Variants in PIK3R3 observed in about 807,000 individuals in gnomAD.
PIK3R3 encodes the protein phosphoinositide-3-kinase regulatory subunit 3, also known as phosphatidylinositol 3-kinase regulatory subunit gamma.
PIK3R3 carries 64 observed loss-of-function variants against 62.9 expected under a neutral mutation model. That is an observed-to-expected ratio of 1.02 (90% CI 0.83 to 1.25). The LOEUF is 1.25. Among genes scored for constraint, PIK3R3 ranks in the 50% most tolerant of loss-of-function variants. The pLI is 0.00. For missense variants in PIK3R3, 614 were observed against 561.6 expected (o/e 1.09, Z -0.94); for synonymous variants, 165 against 189.0 (o/e 0.87, Z 1.04).
chr1:46,133,543 G>T (rs1210956980), upstream of PIK3R3, among the ~76,000 whole-genome samples: 2 of 152,170 alleles, frequency 1.3e-5, no homozygotes, highest in African/African-American at 4.8e-5. Flanking sequence ...CCGCACCCTT[G>T]ACAAGTTGTC....
chr1:46,129,445 T>A (rs943952890), intron 1 of PIK3R3, among the ~76,000 whole-genome samples: 1 of 134,266 alleles, frequency 7.4e-6, no homozygotes, highest in Non-Finnish European at 1.7e-5. Context: ...TTATTTATTT[T>A]GTAGGCAAAG....
the PIK3R3 span, among the ~76,000 whole-genome samples, chr1:46,173,318 G>A: frequency 6.6e-6 from 1 of 152,230 alleles, no homozygotes; most frequent in Non-Finnish European, 1.5e-5. Flanking sequence ...AAGAGCTTGT[G>A]TAATCTGTGT....
chr1:46,087,212 A>G (rs1009551362), intron 1 of PIK3R3, among the ~76,000 whole-genome samples: 11 of 152,150 alleles, frequency 7.2e-5, no homozygotes, highest in Admixed American at 5.9e-4. Flanking sequence ...ACATGTATAC[A>G]TATGTAACAA....
chr1:46,110,432 C>G (rs550589919), intron 1 of PIK3R3, among the ~76,000 whole-genome samples: 150 of 152,090 alleles, frequency 9.9e-4, no homozygotes, highest in African/African-American at 3.1e-3. Flanking sequence ...TGAGCCACCA[C>G]GCCCAGCCCA....
intron 1 of PIK3R3, among the ~76,000 whole-genome samples, chr1:46,128,173 G>A (rs773993218): frequency 6.6e-5 from 10 of 152,150 alleles, no homozygotes; most frequent in Non-Finnish European, 1.3e-4. Flanking sequence ...AGTGGCTCAC[G>A]TCTGTAATCC....
intron 1 of PIK3R3, among the ~76,000 whole-genome samples, chr1:46,085,013 A>G (rs1421599137): frequency 6.6e-6 from 1 of 152,184 alleles, no homozygotes; most frequent in Non-Finnish European, 1.5e-5. Context: ...ACCAGACTGC[A>G]TGAGGAAGCT....
chr1:46,129,400 A>AT (rs775203035), intron 1 of PIK3R3, among the ~76,000 whole-genome samples: 3 of 121,492 alleles, frequency 2.5e-5, no homozygotes, highest in South Asian at 2.6e-4. Context: ...CAATTGGGGG[A>AT]TTTTATTTAT....
chr1:46,092,655 G>A (rs1319975517), intron 1 of PIK3R3, among the ~76,000 whole-genome samples: 2 of 152,080 alleles, frequency 1.3e-5, no homozygotes, highest in Admixed American at 6.5e-5. Context: ...GAGCCACCGC[G>A]CTTGGCCCTC....
Position 46,132,020 on chromosome 1 carries a change from A to G in PIK3R3, c.-68T>C. The G allele has an allele frequency of 6.4e-7, 1 of 1,574,070 alleles. No individual in the cohort carries two copies. The highest frequency in any genetic ancestry group is 1.2e-5 in the South Asian group (1 of 86,460). ...TATATTTTTTATCTGGTATTTAAAA[A>G]TCTAAAAATATATATCTGCAAAAGT... On this transcript the variant is annotated 5_prime_UTR_variant, in exon 1 of 10. Transcript: ENST00000262741.
chr1:46,066,084 C>T lies in PIK3R3; in HGVS notation c.591G>A (p.Arg197=), dbSNP rs1648962662. ...QYQEKSKEYD[R]LYEEYTRTSQ... is the part of the protein sequence containing the mutation. The stretch of plus-strand genomic sequence containing the variant: ...ATGTTCTAGTATATTCTTCATACAG[C>T]CTATCATACTCTTTACTCTTCTCCT... The change falls in exon 5 of 10, where the codon AGG becomes AGA. Residue 197 remains arginine (R), a synonymous_variant. Coordinates refer to ENST00000262741, the MANE Select transcript of PIK3R3 (RefSeq NM_003629.4). The T allele has an allele frequency of 6.2e-7, 1 of 1,608,018 alleles. No individual in the cohort carries two copies. Among genetic ancestry groups the T allele is most frequent in the Admixed American group, 1.7e-5 (1 of 59,958 alleles).
At chr1:46,143,964 G>A in the PIK3R3 span, among the ~76,000 whole-genome samples, 1 of 151,984 alleles carries the variant, frequency 6.6e-6, no homozygotes, top group Admixed American at 6.6e-5. Context: ...CCAGTCTCTG[G>A]TATCTATCAT....
chr1:46,080,733 G>A lies in PIK3R3; in HGVS notation c.124C>T (p.Pro42Ser). 1 of 1,611,694 alleles carries A rather than the reference G, an allele frequency of 6.2e-7. No homozygotes were observed. Among genetic ancestry groups the A allele is most frequent in the Non-Finnish European group, 8.5e-7 (1 of 1,177,862 alleles). ...MDPPALPPKP[P>S]KPMTSAVPNG... ...GGAACTGCTGAAGTCATTGGCTTAG[G>A]TGGCTTTGGTGGAAGAGCTAGAAGA... The change falls in exon 2 of 10, where the codon CCT (proline) becomes TCT (serine). Residue 42 changes from proline (P) to serine (S), a missense_variant. Transcript: ENST00000262741.
intron 7 of PIK3R3, among the ~76,000 whole-genome samples, chr1:46,050,068 C>T (rs1647227768): frequency 6.7e-6 from 1 of 148,854 alleles, no homozygotes; most frequent in African/African-American, 2.5e-5. Flanking sequence ...TTGCAGTGAG[C>T]CGAGATCGTG....
intron 3 of PIK3R3, among the ~76,000 whole-genome samples, chr1:46,074,581 C>T (rs1649893725): frequency 6.6e-6 from 1 of 151,828 alleles, no homozygotes; most frequent in Non-Finnish European, 1.5e-5. Flanking sequence ...GAAGACTCAG[C>T]ATCCTCTGGC....
upstream of PIK3R3, chr1:46,132,683 G>T: frequency 7.8e-7 from 1 of 1,289,552 alleles, no homozygotes; most frequent in Non-Finnish European, 1.0e-6. Flanking sequence ...CACCCTCCCC[G>T]CCCCATGCTG....
At chr1:46,166,954 C>T in the PIK3R3 span, among the ~76,000 whole-genome samples, 1 of 152,380 alleles carries the variant, frequency 6.6e-6, no homozygotes, top group African/African-American at 2.4e-5. Flanking sequence ...AGACCCCGCA[C>T]TTCTAGCTGC....
At chr1:46,156,710 C>T in the PIK3R3 span, among the ~76,000 whole-genome samples, 1 of 152,118 alleles carries the variant, frequency 6.6e-6, no homozygotes, top group Admixed American at 6.5e-5. Context: ...GGCCCAAGCG[C>T]CTGTCAATTA....
chr1:46,099,337 GA>G (rs747408441), intron 1 of PIK3R3, among the ~76,000 whole-genome samples: 67 of 152,232 alleles, frequency 4.4e-4, no homozygotes, highest in Non-Finnish European at 9.3e-4. Flanking sequence ...TTATATGACA[GA>G]AAAACTACCT....
At chr1:46,091,858 A>G (rs1289332641) in intron 1 of PIK3R3, among the ~76,000 whole-genome samples, 4 of 152,206 alleles carry the variant, frequency 2.6e-5, no homozygotes, top group Non-Finnish European at 5.9e-5. Flanking sequence ...TCATCTCTAG[A>G]TTACTTGTAT....
Sources: gnomAD v4.1 joint callset for allele counts (sites outside exome capture counted in the v4.1 genomes callset) on GRCh38, gnomAD v4.1.1 for gene constraint, MANE v1.5 for transcripts, NCBI Gene and HGNC (gene_info 2026-07-23, HGNC 2026-07-21) for gene names.